SEMA6D: variants seen among roughly 807,000 people sequenced by gnomAD.
SEMA6D encodes the protein semaphorin 6D.
In SEMA6D, 35 loss-of-function variants were observed where a neutral mutation model predicts 106.6. The observed-to-expected ratio is 0.33, with a 90% confidence interval of 0.25 to 0.44. The LOEUF is 0.44. Ranked by LOEUF, SEMA6D falls within the 20% of genes least tolerant of loss-of-function variation. The pLI is 1.00. For missense variants in SEMA6D, 1,185 were observed against 1,345.9 expected, an observed-to-expected ratio of 0.88 and a Z score of 1.87; for synonymous variants, 499 against 487.7, an observed-to-expected ratio of 1.02 and a Z score of -0.31.
intron 1 of SEMA6D, among the ~76,000 whole-genome samples, chr15:47,382,236 C>T (rs1046904957): frequency 5.3e-5 from 8 of 152,058 alleles, no homozygotes; most frequent in Non-Finnish European, 1.0e-4. Flanking sequence ...CTACTGGGTG[C>T]GGTGGCTCAC....
At chr15:47,764,509 T>A in intron 11 of SEMA6D, 129 bp from the exon 12 acceptor site, 2 of 1,348,006 alleles carry the variant, frequency 1.5e-6, no homozygotes, top group Non-Finnish European at 2.0e-6. Context: ...ATAGCATTGC[T>A]CCTTTAGTTT....
At chr15:47,692,944 G>C (rs935950242) in intron 4 of SEMA6D, among the ~76,000 whole-genome samples, 1 of 151,988 alleles carries the variant, frequency 6.6e-6, no homozygotes, top group African/African-American at 2.4e-5. Flanking sequence ...TTACAAAAAG[G>C]AGTAGAGAGT....
intron 3 of SEMA6D, among the ~76,000 whole-genome samples, chr15:47,474,720 T>A (rs1177762527): frequency 6.6e-6 from 1 of 152,198 alleles, no homozygotes; most frequent in Non-Finnish European, 1.5e-5. Context: ...GCAAAAACAG[T>A]GATGCTCAGC....
chr15:47,744,107 A>G (rs138387911), intron 1 of SEMA6D, among the ~76,000 whole-genome samples: 251 of 152,342 alleles, frequency 1.6e-3, no homozygotes, highest in Non-Finnish European at 2.5e-3. Flanking sequence ...TAATAAAGAT[A>G]AAGTAGAGAA....
chr15:47,550,097 C>T (rs2045638918), intron 3 of SEMA6D, among the ~76,000 whole-genome samples: 2 of 152,116 alleles, frequency 1.3e-5, no homozygotes, highest in Admixed American at 1.3e-4. Flanking sequence ...GCTTTATAAC[C>T]TTTCAAGAGG....
chr15:47,405,868 C>T (rs946821659), intron 1 of SEMA6D, among the ~76,000 whole-genome samples: 3 of 152,114 alleles, frequency 2.0e-5, no homozygotes, highest in African/African-American at 7.2e-5. Flanking sequence ...GTTACCAAAC[C>T]TCTTCCCAGC....
intron 10 of SEMA6D, 39 bp from the exon 11 acceptor site, chr15:47,764,135 T>C (rs1266826230): frequency 1.2e-6 from 2 of 1,612,714 alleles, no homozygotes; most frequent in African/African-American, 2.7e-5. Flanking sequence ...ACAGGCTTCA[T>C]GTCGCCAGCC....
chr15:47,361,957 A>T (rs904612821), intron 1 of SEMA6D, among the ~76,000 whole-genome samples: 2 of 152,252 alleles, frequency 1.3e-5, no homozygotes, highest in African/African-American at 4.8e-5. Flanking sequence ...AATTTAATAG[A>T]ATTACCAAGA....
chr15:47,688,108 A>T (rs756835645), intron 4 of SEMA6D, among the ~76,000 whole-genome samples: 2 of 152,186 alleles, frequency 1.3e-5, no homozygotes, highest in African/African-American at 2.4e-5. Context: ...TAAATGAGAC[A>T]AGAGAATTAG....
intron 1 of SEMA6D, among the ~76,000 whole-genome samples, chr15:47,347,021 A>C (rs1595784904): frequency 6.6e-6 from 1 of 151,808 alleles, no homozygotes; most frequent in Admixed American, 6.6e-5. Context: ...CGATTCTTGC[A>C]CCTCAACCTC....
At chr15:47,304,345 C>G (rs986537333) in intron 1 of SEMA6D, among the ~76,000 whole-genome samples, 6 of 145,596 alleles carry the variant, frequency 4.1e-5, no homozygotes, top group African/African-American at 1.6e-4. Context: ...ACTCAGGAGT[C>G]TGAGGCAGAA....
intron 1 of SEMA6D, among the ~76,000 whole-genome samples, chr15:47,329,078 TG>T: frequency 6.6e-6 from 1 of 152,228 alleles, no homozygotes; most frequent in East Asian, 1.9e-4. Context: ...GAACTTAAAA[TG>T]TGCCTGACAT....
intron 3 of SEMA6D, among the ~76,000 whole-genome samples, chr15:47,474,261 C>A (rs944433299): frequency 3.9e-5 from 6 of 152,162 alleles, no homozygotes; most frequent in African/African-American, 1.4e-4. Flanking sequence ...AAGACAGACC[C>A]TCCCTGTCAC....
intron 3 of SEMA6D, among the ~76,000 whole-genome samples, chr15:47,544,892 A>G (rs1370867816): frequency 6.6e-6 from 1 of 152,118 alleles, no homozygotes; most frequent in Non-Finnish European, 1.5e-5. Context: ...CAATCTGTTA[A>G]ACGATATGAA....
chr15:47,441,371 A>G (rs1343773394), intron 2 of SEMA6D, among the ~76,000 whole-genome samples: 2 of 152,136 alleles, frequency 1.3e-5, no homozygotes, highest in Non-Finnish European at 2.9e-5. Context: ...AAGTAAAAAT[A>G]AATTTGTAAT....
At chr15:47,203,531 C>A (rs774565252) in intron 1 of SEMA6D, among the ~76,000 whole-genome samples, 28 of 152,260 alleles carry the variant, frequency 1.8e-4, no homozygotes, top group Admixed American at 3.3e-4. Context: ...CCTTTCCACC[C>A]TTACAGGCCA....
At chr15:47,760,011 C>A in intron 2 of SEMA6D, 104 bp downstream of exon 2, 1 of 873,714 alleles carries the variant, frequency 1.1e-6, no homozygotes, top group Non-Finnish European at 1.8e-6. Context: ...TTTTTTATGT[C>A]TTAACCTTGA....
chr15:47,671,220 G>A (rs1480430919), intron 4 of SEMA6D, among the ~76,000 whole-genome samples: 2 of 152,088 alleles, frequency 1.3e-5, no homozygotes, highest in Non-Finnish European at 2.9e-5. Context: ...TTTAAAATAC[G>A]TACCATTTTG....
intron 1 of SEMA6D, among the ~76,000 whole-genome samples, chr15:47,387,976 G>A (rs899080018): frequency 5.3e-5 from 8 of 152,134 alleles, no homozygotes; most frequent in African/African-American, 1.9e-4. Flanking sequence ...CACTTAATAA[G>A]TGCCATTATT....
Sources: gnomAD v4.1 joint callset for allele counts (sites outside exome capture counted in the v4.1 genomes callset) on GRCh38, gnomAD v4.1.1 for gene constraint, MANE v1.5 for transcripts, NCBI Gene and HGNC (gene_info 2026-07-23, HGNC 2026-07-21) for gene names.